RIMS2: variants seen among roughly 807,000 people sequenced by gnomAD.
RIMS2 encodes regulating synaptic membrane exocytosis 2, also known as regulating synaptic membrane exocytosis protein 2.
Under a neutral mutation model 174.4 loss-of-function variants are expected in RIMS2, and 59 were observed. That is an observed-to-expected ratio of 0.34 (90% CI 0.27 to 0.42). The LOEUF (loss-of-function observed/expected upper bound fraction) is 0.42. RIMS2 is among the 10% of genes least tolerant of loss of function. RIMS2 has a pLI of 1.00. For missense variants in RIMS2, 1,620 were observed against 1,666.3 expected (o/e 0.97, Z 0.48); for synonymous variants, 606 against 572.5 (o/e 1.06, Z -0.84).
chr8:103,537,134 C>A (rs1840189203), intron 1 of RIMS2, among the ~76,000 whole-genome samples: 1 of 152,186 alleles, frequency 6.6e-6, no homozygotes, highest in Non-Finnish European at 1.5e-5. Context: ...CTTAGCTCAA[C>A]TTATTTTGCG....
chr8:103,858,735 A>T (rs2099042147), intron 3 of RIMS2, among the ~76,000 whole-genome samples: 1 of 40,664 alleles, frequency 2.5e-5, no homozygotes, highest in Non-Finnish European at 7.1e-5. Flanking sequence ...ATACCTATAC[A>T]CACACACACA....
chr8:103,704,057 T>C (rs1306516787), intron 2 of RIMS2, among the ~76,000 whole-genome samples: 1 of 151,848 alleles, frequency 6.6e-6, no homozygotes, highest in African/African-American at 2.4e-5. Flanking sequence ...ATCCTAGACT[T>C]GTTCCAGATC....
chr8:103,819,362 C>A, intron 3 of RIMS2: 1 of 1,530,814 alleles, frequency 6.5e-7, no homozygotes, highest in Non-Finnish European at 8.7e-7. Context: ...CTATCAACCT[C>A]TGTTCATTTA....
In RIMS2 at chr8:104,170,010, C is replaced by T. The variant is rs182479244; in HGVS notation, c.3335-74906C>T. Among the ~76,000 whole-genome samples the T allele has an allele frequency of 1.3e-4, 20 of 151,984 alleles. No individual in the cohort carries two copies. The East Asian group carries it at 3.3e-3, about 25-fold the overall frequency. Reference sequence around the variant, plus strand: ...TTGGAGTTGATTTCCAGTTTTATTCCACTCTCATCTGAGAAGATACTTGAT... The same window carrying T: ...TTGGAGTTGATTTCCAGTTTTATTCTACTCTCATCTGAGAAGATACTTGAT... On this transcript the variant is annotated intron_variant, in intron 19 of 23. Transcript: ENST00000504942.
At chr8:103,613,544 C>A (rs140465283) in intron 1 of RIMS2, among the ~76,000 whole-genome samples, 1 of 152,188 alleles carries the variant, frequency 6.6e-6, no homozygotes, top group Admixed American at 6.5e-5. Context: ...TATTGCTCTA[C>A]CCCACTGTGC....
intron 10 of RIMS2, among the ~76,000 whole-genome samples, chr8:103,924,818 T>A (rs1219578791): frequency 6.6e-6 from 1 of 151,696 alleles, no homozygotes; most frequent in African/African-American, 2.4e-5. Context: ...TTGATTTTTT[T>A]AAATGTATGC....
At chr8:103,894,995 A>T (rs1317771710) in intron 4 of RIMS2, among the ~76,000 whole-genome samples, 1 of 151,664 alleles carries the variant, frequency 6.6e-6, no homozygotes, top group South Asian at 2.1e-4. Context: ...AAAACTAAAA[A>T]AATTAAGTTT....
At chr8:104,242,427 A>G (rs2099305666) in intron 19 of RIMS2, among the ~76,000 whole-genome samples, 1 of 152,150 alleles carries the variant, frequency 6.6e-6, no homozygotes, top group Admixed American at 6.6e-5. Flanking sequence ...TTGTCCTAAA[A>G]TTACTTTTAT....
chr8:103,757,638 G>A (rs2140022415), intron 2 of RIMS2, among the ~76,000 whole-genome samples: 1 of 152,180 alleles, frequency 6.6e-6, no homozygotes, highest in Non-Finnish European at 1.5e-5. Flanking sequence ...TATCTTATAT[G>A]GCCCCCAACT....
chr8:104,048,911 A>G (rs1296692675), intron 19 of RIMS2, among the ~76,000 whole-genome samples: 1 of 152,166 alleles, frequency 6.6e-6, no homozygotes, highest in East Asian at 1.9e-4. Flanking sequence ...GTTTGTTATA[A>G]GCAAAATCAG....
intron 3 of RIMS2, among the ~76,000 whole-genome samples, chr8:103,782,155 G>A (rs1423722721): frequency 1.3e-5 from 2 of 150,184 alleles, no homozygotes; most frequent in South Asian, 2.1e-4. Context: ...TTTTGTTTGA[G>A]TGTGTATTTT....
intron 1 of RIMS2, among the ~76,000 whole-genome samples, chr8:103,610,878 G>A (rs988498671): frequency 6.6e-6 from 1 of 152,122 alleles, no homozygotes; most frequent in Non-Finnish European, 1.5e-5. Context: ...CAATTTTCGG[G>A]AATAGTTTCA....
exon 4 of RIMS2, chr8:103,885,625 T>C (rs1018659910): frequency 9.3e-6 from 15 of 1,612,966 alleles, no homozygotes; most frequent in Non-Finnish European, 1.3e-5. Flanking sequence ...TGGCCCGTTA[T>C]CCAGTAAAGC....
At chr8:103,717,172 G>A (rs1242127902) in intron 2 of RIMS2, among the ~76,000 whole-genome samples, 1 of 125,878 alleles carries the variant, frequency 7.9e-6, no homozygotes, top group East Asian at 2.1e-4. Flanking sequence ...TTACCAGTTG[G>A]AGCCTTTTTC....
intron 19 of RIMS2, among the ~76,000 whole-genome samples, chr8:104,058,979 G>A (rs1408553197): frequency 3.9e-5 from 6 of 151,974 alleles, no homozygotes; most frequent in African/African-American, 1.5e-4. Flanking sequence ...TAGCCTTGTA[G>A]TATAGTTTGA....
In RIMS2 at chr8:104,060,713, A is replaced by G. The variant is rs1187144549; in HGVS notation, c.3334+46098A>G. 4.6e-5 allele frequency among the ~76,000 whole-genome samples: 7 copies of G among 152,278 alleles called. No homozygotes were observed. In the East Asian group the frequency reaches 9.6e-4, roughly 21 times the overall value. On this transcript the variant is annotated intron_variant, in intron 19 of 23. Transcript: ENST00000504942. ...CTTTCTATTATGGGCATTTAGTGCT[A>G]TAAATTTCCCTCTACACACTGCTTT...
chr8:103,945,848 C>T (rs919451830), intron 14 of RIMS2, among the ~76,000 whole-genome samples: 4 of 151,700 alleles, frequency 2.6e-5, no homozygotes, highest in African/African-American at 9.7e-5. Context: ...CTGATGAAGA[C>T]CACCTATGAA....
At chr8:103,869,592 G>A (rs998356027) in intron 3 of RIMS2, among the ~76,000 whole-genome samples, 1 of 152,054 alleles carries the variant, frequency 6.6e-6, no homozygotes, top group Non-Finnish European at 1.5e-5. Context: ...CAAAGTGCTG[G>A]GATTACAGGC....
chr8:103,589,176 A>G (rs79054943), intron 1 of RIMS2, among the ~76,000 whole-genome samples: 9,894 of 151,700 alleles, frequency 0.065, 397 homozygotes, highest in South Asian at 0.087. Context: ...CAAGAAAACT[A>G]TTAGAACTGA....
Sources: allele counts gnomAD v4.1 joint callset (sites outside exome capture counted in the v4.1 genomes callset), GRCh38; gene constraint gnomAD v4.1.1; transcripts MANE v1.5; gene names NCBI Gene and HGNC (gene_info 2026-07-23, HGNC 2026-07-21).